The following NCAM2 variants were observed in gnomAD, a reference collection of about 807,000 sequenced individuals.
NCAM2 encodes the protein N-CAM-2.
NCAM2 carries 30 observed loss-of-function variants against 98.1 expected under a neutral mutation model. The ratio of observed to expected loss-of-function variants is 0.31; its 90% confidence interval spans 0.23 to 0.41. The LOEUF (loss-of-function observed/expected upper bound fraction) is 0.41, where lower values mean the gene tolerates loss of function less well. Among genes scored for constraint, NCAM2 ranks in the 10% least tolerant of loss-of-function variants. The probability of loss-of-function intolerance (pLI) is 1.00; values close to 1 mark genes in which losing one functional copy is unlikely to be tolerated. For missense variants in NCAM2, 867 were observed against 1,005.8 expected (o/e 0.86, Z 1.87); for synonymous variants, 368 against 342.4 (o/e 1.07, Z -0.83).
In NCAM2 at chr21:21,479,521, T is replaced by A. The variant is rs1208525167; in HGVS notation, c.2077+2050T>A. 7.0e-5 allele frequency among the ~76,000 whole-genome samples: 10 copies of A among 142,910 alleles called. No homozygotes were observed. The East Asian group carries it at 2.0e-3, about 29-fold the overall frequency. The allele number at this position is 142,910 out of a possible 152,430, so 93.8% of individuals were successfully genotyped here. On this transcript the variant is annotated intron_variant, in intron 15 of 17. Coordinates refer to ENST00000400546, the MANE Select transcript of NCAM2 (RefSeq NM_004540.5). ...ATGGAGTGGACCCGGGAGGCGGAGC[T>A]TGCAGTGAGCCGAGACCGCGCCACT...
intron 1 of NCAM2, among the ~76,000 whole-genome samples, chr21:21,264,781 C>CAT (rs1181011077): frequency 7.7e-4 from 96 of 124,424 alleles, no homozygotes; most frequent in African/African-American, 3.1e-3. Flanking sequence ...TATATATATA[C>CAT]ATATATATAT....
chr21:21,284,319 G>A lies in NCAM2; in HGVS notation c.256G>A (p.Glu86Lys). ...GTTAACCATCTACAATGCAAATATA[G>A]AAGATGCAGGGATATATCGTTGTCA... is the stretch of plus-strand genomic sequence containing the variant. ...SRLTIYNANI[E>K]DAGIYRCQAT... is the part of the protein sequence containing the mutation. The change falls in exon 3 of 18, where the codon GAA becomes AAA. Residue 86 changes from glutamate (E) to lysine (K), a missense_variant. Around this residue, in one of 5 missense-constraint regions of NCAM2, gnomAD observed 447 missense variants for 495.7 expected, o/e 0.90. Transcript: ENST00000400546. 1.9e-6 allele frequency: 3 copies of A among 1,612,590 alleles called. No homozygotes were observed. The highest frequency in any genetic ancestry group is 2.5e-6 in the Non-Finnish European group (3 of 1,178,970).
intron 9 of NCAM2, among the ~76,000 whole-genome samples, chr21:21,390,036 G>A (rs1194208937): frequency 4.6e-5 from 7 of 152,042 alleles, no homozygotes; most frequent in Admixed American, 1.3e-4. Context: ...TTTTAGTAGC[G>A]ACAGGCTTTG....
chr21:21,161,150 A>C (rs2067770028), intron 1 of NCAM2, among the ~76,000 whole-genome samples: 1 of 152,048 alleles, frequency 6.6e-6, no homozygotes. Flanking sequence ...AGATCCTTGA[A>C]AAAATTTATA....
At chr21:21,269,993 C>T (rs1568864088) in intron 1 of NCAM2, among the ~76,000 whole-genome samples, 1 of 152,132 alleles carries the variant, frequency 6.6e-6, no homozygotes, top group Non-Finnish European at 1.5e-5. Flanking sequence ...TAACCTTAGT[C>T]TGGAGAGAGA....
At chr21:21,114,625 G>A (rs996337566) in intron 1 of NCAM2, among the ~76,000 whole-genome samples, 1 of 152,078 alleles carries the variant, frequency 6.6e-6, no homozygotes, top group East Asian at 1.9e-4. Flanking sequence ...TGATGCCAAT[G>A]GTACTACAAA....
intron 9 of NCAM2, among the ~76,000 whole-genome samples, chr21:21,403,106 G>C (rs1408084929): frequency 6.6e-6 from 1 of 151,944 alleles, no homozygotes; most frequent in Non-Finnish European, 1.5e-5. Flanking sequence ...CTTCTTTTGG[G>C]CTAATTCAGT....
intron 16 of NCAM2, among the ~76,000 whole-genome samples, chr21:21,531,997 A>AC (rs1989730588): frequency 6.6e-6 from 1 of 151,512 alleles, no homozygotes; most frequent in Non-Finnish European, 1.5e-5. Flanking sequence ...CGTCTCAAAA[A>AC]AAAAGAAAAA....
At chr21:21,354,839 T>TA (rs2030594449) in intron 8 of NCAM2, among the ~76,000 whole-genome samples, 1 of 110 alleles carries the variant, frequency 9.1e-3, no homozygotes, top group Non-Finnish European at 0.019. Flanking sequence ...TAGCACTAAA[T>TA]GTTCTTTTAG....
At chr21:21,052,602 T>G (rs1054395014) in intron 1 of NCAM2, among the ~76,000 whole-genome samples, 1 of 152,146 alleles carries the variant, frequency 6.6e-6, no homozygotes, top group Admixed American at 6.5e-5. Flanking sequence ...CATCTCTTTC[T>G]TTAGACCCAA....
intron 8 of NCAM2, among the ~76,000 whole-genome samples, chr21:21,361,685 C>T (rs1268423675): frequency 6.6e-6 from 1 of 152,006 alleles, no homozygotes; most frequent in East Asian, 1.9e-4. Flanking sequence ...CTCCAGTCTT[C>T]TATGTCCAAT....
chr21:21,054,032 A>G (rs2065165110), intron 1 of NCAM2, among the ~76,000 whole-genome samples: 2 of 151,744 alleles, frequency 1.3e-5, no homozygotes, highest in South Asian at 4.1e-4. Context: ...TGGAAACACC[A>G]ATTATTTACT....
intron 2 of NCAM2, 26 bp from the exon 3 acceptor site, chr21:21,284,167 AC>A (rs764762435): frequency 1.2e-5 from 19 of 1,558,634 alleles, no homozygotes; most frequent in Non-Finnish European, 1.7e-5. Flanking sequence ...CAATTTTCAA[AC>A]CTTTATTTTC....
At chr21:21,537,537 T>G (rs1990045954) in intron 17 of NCAM2, among the ~76,000 whole-genome samples, 1 of 152,184 alleles carries the variant, frequency 6.6e-6, no homozygotes, top group Non-Finnish European at 1.5e-5. Flanking sequence ...AGTGAGCAAT[T>G]TGGTGCATCT....
At chr21:21,357,350 C>A (rs1180586278) in intron 8 of NCAM2, among the ~76,000 whole-genome samples, 1 of 151,938 alleles carries the variant, frequency 6.6e-6, no homozygotes, top group Admixed American at 6.6e-5. Flanking sequence ...ATAAAAAATA[C>A]AAAACTTAAA....
At chr21:21,535,209 T>C (rs1327756041) in intron 17 of NCAM2, among the ~76,000 whole-genome samples, 1 of 152,074 alleles carries the variant, frequency 6.6e-6, no homozygotes, top group Non-Finnish European at 1.5e-5. Flanking sequence ...GTTAAAACTA[T>C]AGTAGATATC....
In NCAM2 at chr21:21,182,954, T is replaced by C. The variant is rs28587181; in HGVS notation, c.56-97624T>C. On this transcript the variant is annotated intron_variant, in intron 1 of 17. Coordinates refer to ENST00000400546, the MANE Select transcript of NCAM2 (RefSeq NM_004540.5). ...AAAAGTAAGATAATTTGATAATTTT[T>C]AAAACCAAATTTTGAACGTGTACTT... is the stretch of plus-strand genomic sequence containing the variant. Among the ~76,000 whole-genome samples the C allele has an allele frequency of 4.0e-3, 616 of 152,278 alleles. 4 individuals are homozygous for C. The highest frequency in any genetic ancestry group is 0.014 in the African/African-American group (601 of 41,570).
chr21:21,147,344 G>C, intron 1 of NCAM2: 26 of 939,808 alleles, frequency 2.8e-5, no homozygotes, highest in Non-Finnish European at 3.3e-5. Flanking sequence ...GAAGGGGCTA[G>C]AATCAGTTGA....
intron 1 of NCAM2, among the ~76,000 whole-genome samples, chr21:21,259,364 A>G (rs1396998757): frequency 2.0e-5 from 3 of 151,514 alleles, no homozygotes; most frequent in Non-Finnish European, 4.4e-5. Flanking sequence ...GTATGAACTG[A>G]AAGTCGTAAG....
Sources: gnomAD v4.1 joint callset for allele counts (sites outside exome capture counted in the v4.1 genomes callset) on GRCh38, gnomAD v4.1.1 for gene constraint, gnomAD v4.1.1 regional missense constraint, MANE v1.5 for transcripts, NCBI Gene and HGNC (gene_info 2026-07-23, HGNC 2026-07-21) for gene names.